The following MTMR14 variants were observed in gnomAD, a reference collection of about 807,000 sequenced individuals.
MTMR14 encodes myotubularin related protein 14.
In MTMR14, 48 loss-of-function variants were observed where a neutral mutation model predicts 86.3. The ratio of observed to expected loss-of-function variants is 0.56; its 90% CI spans 0.44 to 0.71. The LOEUF (loss-of-function observed/expected upper bound fraction) is 0.71, where lower values mean the gene tolerates loss of function less well. Ranked by LOEUF, MTMR14 falls within the 30% of genes least tolerant of loss-of-function variation. The pLI, the probability that MTMR14 is intolerant of heterozygous loss-of-function variation, is 0.00. For synonymous variants in MTMR14, 366 were observed against 326.1 expected (o/e 1.12, Z -1.32); for missense variants, 780 against 834.6 (o/e 0.93, Z 0.81).
chr3:9,653,847 TG>T, intron 2 of MTMR14, 78 bp downstream of exon 2: 1 of 1,585,360 alleles, frequency 6.3e-7, no homozygotes, highest in Non-Finnish European at 8.6e-7. Flanking sequence ...AGTCTGTAGC[TG>T]GGCAGGGCAG....
At chr3:9,678,576 C>G (rs370200343) in intron 9 of MTMR14, among the ~76,000 whole-genome samples, 2 of 152,232 alleles carry the variant, frequency 1.3e-5, no homozygotes, top group Non-Finnish European at 2.9e-5. Context: ...TTGCCACTTG[C>G]TTCAGACAGA....
intron 13 of MTMR14, among the ~76,000 whole-genome samples, chr3:9,685,910 G>A (rs890791953): frequency 6.6e-6 from 1 of 152,156 alleles, no homozygotes; most frequent in Non-Finnish European, 1.5e-5. Flanking sequence ...TACTGCCTGG[G>A]TGACCTTGGG....
intron 6 of MTMR14, among the ~76,000 whole-genome samples, chr3:9,671,837 ATTTTTAAATG>A (rs1284243643): frequency 6.6e-6 from 1 of 152,200 alleles, no homozygotes; most frequent in African/African-American, 2.4e-5. Context: ...TTTTTAAATG[ATTTTTAAATG>A]TTTTTAAATG....
intron 13 of MTMR14, among the ~76,000 whole-genome samples, chr3:9,687,560 A>G (rs1189080461): frequency 6.8e-6 from 1 of 146,528 alleles, no homozygotes; most frequent in Non-Finnish European, 1.5e-5. Flanking sequence ...GTCTCAAATA[A>G]AAAAAAAAAA....
chr3:9,685,487 A>C (rs1465924680), intron 13 of MTMR14, among the ~76,000 whole-genome samples: 1 of 152,146 alleles, frequency 6.6e-6, no homozygotes, highest in Non-Finnish European at 1.5e-5. Context: ...CGGGGTGAGC[A>C]GTTACATGAC....
chr3:9,678,164 G>C, intron 9 of MTMR14, 106 bp downstream of exon 9: 1 of 1,124,412 alleles, frequency 8.9e-7, no homozygotes, highest in Non-Finnish European at 1.3e-6. Flanking sequence ...TGATGGGCTG[G>C]CTTGTGCACT....
Position 9,702,110 on chromosome 3 carries a change from C to A in MTMR14, c.*137C>A, listed in dbSNP as rs1230238167. 2 of 1,157,496 alleles carry A rather than the reference C, an allele frequency of 1.7e-6. No individual in the cohort carries two copies. The highest frequency in any genetic ancestry group is 1.3e-5 in the South Asian group (1 of 77,556). The allele number at this position is 1,157,496 out of a possible 1,614,324, so 71.7% of individuals were successfully genotyped here. ...CCCATCTCCATCATGAACATGGCAG[C>A]CCCAAAGCTGAGCAAGGCCAAAGAC... On this transcript the variant is annotated 3_prime_UTR_variant, in exon 19 of 19. Transcript: ENST00000296003.
At chr3:9,653,847 T>C (rs986805811) in intron 2 of MTMR14, 78 bp downstream of exon 2, 67 of 1,585,242 alleles carry the variant, frequency 4.2e-5, no homozygotes, top group Non-Finnish European at 5.7e-5. Context: ...AGTCTGTAGC[T>C]GGGCAGGGCA....
At chr3:9,697,980 CT>C (rs2076335898) in intron 18 of MTMR14, 114 bp downstream of exon 18, 1 of 1,418,334 alleles carries the variant, frequency 7.1e-7, no homozygotes, top group Non-Finnish European at 9.8e-7. Flanking sequence ...GCCTGGCCTC[CT>C]GCCCTCCCCT....
intron 7 of MTMR14, among the ~76,000 whole-genome samples, chr3:9,673,485 A>AT (rs1478874823): frequency 3.9e-5 from 6 of 152,208 alleles, no homozygotes. Context: ...AGGACCTCTA[A>AT]CATCAGTGCA....
intron 2 of MTMR14, among the ~76,000 whole-genome samples, chr3:9,660,500 A>T (rs2047868599): frequency 6.6e-6 from 1 of 152,100 alleles, no homozygotes; most frequent in Non-Finnish European, 1.5e-5. Flanking sequence ...ACCTCAAGTG[A>T]TCTGCCCACC....
In MTMR14 at chr3:9,690,005, A is replaced by G. The variant is rs952640029; in HGVS notation, c.1475A>G (p.Asn492Ser). The change falls in exon 17 of 19, where the codon AAC becomes AGC. Residue 492 changes from asparagine to serine, a missense_variant. Transcript: ENST00000296003. ...HSSSPQSVLW[N>S]RPQPSEDRLP... ...TCCTCTCCACAGAGTGTCCTCTGGA[A>G]CCGGCCACAACCCTCAGAGGACCGC... The G allele has an allele frequency of 1.9e-6, 3 of 1,611,772 alleles. No individual in the cohort carries two copies. Among genetic ancestry groups the G allele is most frequent in the African/African-American group, 2.7e-5 (2 of 74,876 alleles).
intron 2 of MTMR14, chr3:9,659,773 C>T (rs992323432): frequency 8.8e-6 from 4 of 456,534 alleles, no homozygotes; most frequent in Non-Finnish European, 1.8e-5. Flanking sequence ...TGTAGGGGAA[C>T]CGGTAAAGGA....
At chr3:9,653,831 C>T in intron 2 of MTMR14, 62 bp downstream of exon 2, 1 of 1,607,038 alleles carries the variant, frequency 6.2e-7, no homozygotes, top group South Asian at 1.1e-5. Flanking sequence ...ATCCCTGTGG[C>T]CAGGAAGTCT....
chr3:9,675,396 T>A, intron 7 of MTMR14: 1 of 272,208 alleles, frequency 3.7e-6, no homozygotes, highest in Non-Finnish European at 7.5e-6. Flanking sequence ...AGTCACGAGC[T>A]GCACTTTGAT....
At chr3:9,697,111 G>A (rs2076304416) in intron 17 of MTMR14, among the ~76,000 whole-genome samples, 1 of 152,168 alleles carries the variant, frequency 6.6e-6, no homozygotes, top group Non-Finnish European at 1.5e-5. Flanking sequence ...CACTGAGTCT[G>A]CTGGGCTGAT....
chr3:9,680,048 T>C (rs2075708874), intron 9 of MTMR14, among the ~76,000 whole-genome samples: 1 of 152,146 alleles, frequency 6.6e-6, no homozygotes, highest in Admixed American at 6.5e-5. Flanking sequence ...ATCTCATCCA[T>C]CGTCCACACC....
intron 6 of MTMR14, 138 bp from the exon 7 acceptor site, chr3:9,672,547 G>A (rs1467223617): frequency 2.5e-6 from 2 of 785,980 alleles, no homozygotes; most frequent in African/African-American, 3.4e-5. Context: ...AGTAGGCACT[G>A]CTGAAGGGAA....
intron 13 of MTMR14, 84 bp from the exon 14 acceptor site, chr3:9,687,737 T>A (rs2076007093): frequency 8.7e-7 from 1 of 1,154,160 alleles, no homozygotes; most frequent in Non-Finnish European, 1.3e-6. Context: ...GCAGGGGCCT[T>A]GACCTGAGTG....
Sources: gnomAD v4.1 joint callset for allele counts (sites outside exome capture counted in the v4.1 genomes callset) on GRCh38, gnomAD v4.1.1 for gene constraint, MANE v1.5 for transcripts, NCBI Gene and HGNC (gene_info 2026-07-23, HGNC 2026-07-21) for gene names.